Variants in B3GALNT2 observed in about 807,000 individuals in gnomAD.
The protein encoded by B3GALNT2 is beta-1,3-N-acetylgalactosaminyltransferase 2.
A neutral mutation model predicts 61.1 loss-of-function variants in B3GALNT2; 53 were observed. The ratio of observed to expected loss-of-function variants is 0.87; its 90% CI spans 0.70 to 1.09. The LOEUF is 1.09. Among genes scored for constraint, B3GALNT2 ranks in the 50% least tolerant of loss-of-function variants. The pLI is 0.00. For synonymous variants in B3GALNT2, 223 were observed against 237.4 expected (o/e 0.94, Z 0.56); for missense variants, 544 against 623.0 (o/e 0.87, Z 1.35).
rs76897397 is a variant in B3GALNT2, at chr1:235,486,565, G to A, written c.362-2050C>T. 5.5e-3 allele frequency among the ~76,000 whole-genome samples: 831 copies of A among 152,056 alleles called. 4 individuals are homozygous for A. The highest frequency in any genetic ancestry group is 0.017 in the African/African-American group (719 of 41,480). ...GATTAATGCTTACCATGACCTTCAG[G>A]TACTGAAATAACCATAACTGCCTTT... is the stretch of plus-strand genomic sequence containing the variant. On this transcript the variant is annotated intron_variant, in intron 3 of 11. Coordinates refer to ENST00000366600, the MANE Select transcript of B3GALNT2 (RefSeq NM_152490.5).
intron 5 of B3GALNT2, among the ~76,000 whole-genome samples, chr1:235,474,179 T>C (rs1256813546): frequency 1.3e-5 from 2 of 152,232 alleles, no homozygotes; most frequent in Non-Finnish European, 2.9e-5. Flanking sequence ...ATACACCTAC[T>C]TTTTATTCTG....
intron 8 of B3GALNT2, 45 bp from the exon 9 acceptor site, chr1:235,455,729 C>CA (rs1451852775): frequency 2.5e-6 from 4 of 1,569,054 alleles, no homozygotes; most frequent in Non-Finnish European, 3.5e-6. Context: ...ACCAAACAAA[C>CA]AAACACCAAT....
Position 235,480,133 on chromosome 1 carries a change from G to A in B3GALNT2, c.572C>T (p.Ala191Val). ...QAEQEEALFIARFSPPSCGVQ... is the reference protein window; with the variant it reads ...QAEQEEALFIVRFSPPSCGVQ... ...ACCACAGCTTGGAGGACTGAAGCGA[G>A]CAATGAAGAGGGCCTCCTACAAATT... Residue 191 changes from alanine to valine, a missense_variant, in exon 5 of 12, where the codon GCT (alanine) becomes GTT (valine). By Grantham distance (64) the Ala-to-Val change is moderately conservative. Coordinates refer to ENST00000366600, the MANE Select transcript of B3GALNT2 (RefSeq NM_152490.5). 6.2e-7 allele frequency: 1 copy of A among 1,613,802 alleles called. No individual in the cohort carries two copies. The highest frequency in any genetic ancestry group is 1.3e-5 in the African/African-American group (1 of 75,020).
chr1:235,457,404 C>T (rs1333181387), intron 8 of B3GALNT2, among the ~76,000 whole-genome samples: 1 of 152,070 alleles, frequency 6.6e-6, no homozygotes, highest in Non-Finnish European at 1.5e-5. Context: ...GTTTTGGCTC[C>T]ATGGTCAGGA....
At chr1:235,495,413 C>T (rs997077650) in intron 1 of B3GALNT2, among the ~76,000 whole-genome samples, 21 of 152,102 alleles carry the variant, frequency 1.4e-4, no homozygotes, top group East Asian at 5.8e-4. Flanking sequence ...TGGCGGATGA[C>T]GCTGAAGGAC....
At chr1:235,486,823 A>G (rs1287922045) in intron 3 of B3GALNT2, among the ~76,000 whole-genome samples, 3 of 152,230 alleles carry the variant, frequency 2.0e-5, no homozygotes, top group African/African-American at 7.2e-5. Context: ...AGGATACATC[A>G]GTGGATACCA....
downstream of B3GALNT2, among the ~76,000 whole-genome samples, chr1:235,446,555 T>C (rs1055162784): frequency 8.5e-5 from 13 of 152,194 alleles, no homozygotes; most frequent in African/African-American, 2.9e-4. Flanking sequence ...ACACTGGTCA[T>C]AGGCAGGTAA....
chr1:235,447,581 C>T lies in B3GALNT2; in HGVS notation c.*2625G>A, dbSNP rs1390350730. On this transcript the variant is annotated 3_prime_UTR_variant, in exon 12 of 12. Transcript: ENST00000366600. ...ACCTTGTAGATCATTTAGTTGGCAC[C>T]CTAATTTTACAGAGGGGGAACTAAG... is the stretch of plus-strand genomic sequence containing the variant. Among the ~76,000 whole-genome samples, 1 of 152,022 alleles carries T rather than the reference C, an allele frequency of 6.6e-6. No individual in the cohort carries two copies. The highest frequency in any genetic ancestry group is 1.9e-4 in the East Asian group (1 of 5,182).
rs1198435980 is a variant in B3GALNT2 at position 235,474,971 on chromosome 1, ATATATATATATATATATTTTT to A, written c.652-4032_652-4012del. On this transcript the variant is annotated intron_variant, in intron 5 of 11. Coordinates refer to ENST00000366600, the MANE Select transcript of B3GALNT2 (RefSeq NM_152490.5). Reference sequence around the variant, plus strand: ...GAGACATATATATATATATATATATATATATATATATATATATTTTTTTTTTTTTTTTTTTTTTTGAGACGG... The same window carrying A: ...GAGACATATATATATATATATATATATTTTTTTTTTTTTTTTTTGAGACGG... Among the ~76,000 whole-genome samples the A allele has an allele frequency of 1.5e-3, 44 of 30,098 alleles. 3 individuals are homozygous for A. The highest frequency in any genetic ancestry group is 1.2e-3 in the South Asian group (1 of 802). 19.7% of individuals were successfully genotyped at this position (30,098 alleles called of 152,430 possible).
At chr1:235,490,610 C>G (rs1279448736) in intron 2 of B3GALNT2, among the ~76,000 whole-genome samples, 2 of 152,190 alleles carry the variant, frequency 1.3e-5, no homozygotes, top group Admixed American at 1.3e-4. Flanking sequence ...AACCCACAGA[C>G]AGCTGTGTGC....
Position 235,449,986 on chromosome 1 carries a change from T to A in B3GALNT2, c.*220A>T. 4.8e-6 allele frequency: 2 copies of A among 413,260 alleles called. No individual in the cohort carries two copies. The highest frequency in any genetic ancestry group is 4.0e-5 in the Admixed American group (1 of 24,830). 25.6% of individuals were successfully genotyped at this position (413,260 alleles called of 1,614,324 possible). On this transcript the variant is annotated 3_prime_UTR_variant, in exon 12 of 12. Transcript: ENST00000366600. ...TGGTATTTTTCTGATAATCTTCCAATAGATAAATAAAAACTTTTCTTATGC... is the reference window on the plus strand; with the variant it reads ...TGGTATTTTTCTGATAATCTTCCAAAAGATAAATAAAAACTTTTCTTATGC...
intron 10 of B3GALNT2, among the ~76,000 whole-genome samples, chr1:235,453,371 C>G (rs1683016313): frequency 4.6e-5 from 7 of 152,006 alleles, no homozygotes; most frequent in Admixed American, 3.9e-4. Flanking sequence ...AGCAGACGAC[C>G]CATCCTTCTC....
intron 8 of B3GALNT2, among the ~76,000 whole-genome samples, chr1:235,456,331 T>C (rs1386513160): frequency 6.6e-6 from 1 of 152,218 alleles, no homozygotes; most frequent in Non-Finnish European, 1.5e-5. Flanking sequence ...CATTTCACAT[T>C]GACAGTCCCT....
Position 235,504,336 on chromosome 1 carries a change from G to A in B3GALNT2, c.-84C>T. Reference sequence around the variant, plus strand: ...GCAAGTGCGGAGACTGAGGGGCGGCGGCTGACGAGCGACCACTCCGAGCAC... The same window carrying A: ...GCAAGTGCGGAGACTGAGGGGCGGCAGCTGACGAGCGACCACTCCGAGCAC... On this transcript the variant is annotated 5_prime_UTR_variant, in exon 1 of 12. Coordinates refer to ENST00000366600, the MANE Select transcript of B3GALNT2 (RefSeq NM_152490.5). The A allele has an allele frequency of 7.2e-7, 1 of 1,398,270 alleles. No homozygotes were observed. Among genetic ancestry groups the A allele is most frequent in the African/African-American group, 1.5e-5 (1 of 66,006 alleles). 86.6% of individuals were successfully genotyped at this position (1,398,270 alleles called of 1,614,324 possible).
chr1:235,488,552 G>C (rs936935234), intron 3 of B3GALNT2, among the ~76,000 whole-genome samples: 7 of 151,736 alleles, frequency 4.6e-5, no homozygotes, highest in African/African-American at 1.7e-4. Context: ...CGCAGTGGTG[G>C]TAGCCTGTAA....
rs556522630 is a variant in B3GALNT2, at chr1:235,448,253, T to TATCA, written c.*1949_*1952dup. The TATCA allele has an allele frequency of 3.9e-4, 314 of 798,700 alleles. 5 individuals are homozygous for TATCA. The Admixed American group carries it at 5.5e-3, about 14-fold the overall frequency. The allele number at this position is 798,700 out of a possible 1,614,324, so 49.5% of individuals were successfully genotyped here. A position where few individuals can be genotyped will look rare whatever the true frequency, so the allele number is the denominator to read the frequency against. On this transcript the variant is annotated 3_prime_UTR_variant, in exon 12 of 12. Coordinates refer to ENST00000366600, the MANE Select transcript of B3GALNT2 (RefSeq NM_152490.5). ...AAAAAAAAAAAAAGACAGATACAGC[T>TATCA]ATCATTGCAATGATACTGTGGTCTC...
chr1:235,502,292 C>T (rs1043101169), intron 1 of B3GALNT2, among the ~76,000 whole-genome samples: 2 of 152,166 alleles, frequency 1.3e-5, no homozygotes, highest in African/African-American at 4.8e-5. Flanking sequence ...GGATTACAGG[C>T]GTGAGGCACC....
intron 7 of B3GALNT2, among the ~76,000 whole-genome samples, chr1:235,462,742 G>A (rs563214970): frequency 1.3e-5 from 2 of 152,156 alleles, no homozygotes; most frequent in Non-Finnish European, 2.9e-5. Context: ...ACTTAATACT[G>A]TTAACACGGC....
rs1455426794 is a variant in B3GALNT2 at position 235,448,895 on chromosome 1, T to C, written c.*1311A>G. 2.7e-6 allele frequency: 2 copies of C among 727,592 alleles called. No homozygotes were observed. Among genetic ancestry groups the C allele is most frequent in the Non-Finnish European group, 4.8e-6 (2 of 414,880 alleles). The allele number at this position is 727,592 out of a possible 1,614,324, so 45.1% of individuals were successfully genotyped here. ...AACTTGTCCTAAGTATAACAAGGGA[T>C]GTATTTTTTGTTGGGAAGTGACCAT... On this transcript the variant is annotated 3_prime_UTR_variant, in exon 12 of 12. Coordinates refer to ENST00000366600, the MANE Select transcript of B3GALNT2 (RefSeq NM_152490.5).
Sources: allele counts gnomAD v4.1 joint callset (sites outside exome capture counted in the v4.1 genomes callset), GRCh38; gene constraint gnomAD v4.1.1; transcripts MANE v1.5; gene names NCBI Gene and HGNC (gene_info 2026-07-23, HGNC 2026-07-21).